The following PIP4P2 variants were observed in gnomAD, a reference collection of about 807,000 sequenced individuals.
PIP4P2 encodes type 2 phosphatidylinositol 4,5-bisphosphate 4-phosphatase.
In PIP4P2, 19 loss-of-function variants were observed where a neutral mutation model predicts 33.3. That is an observed-to-expected ratio of 0.57 (90% confidence interval 0.40 to 0.84). The LOEUF (loss-of-function observed/expected upper bound fraction) is 0.84. PIP4P2 is among the 40% of genes least tolerant of loss of function. The pLI is 0.00. For missense variants in PIP4P2, 270 were observed against 324.7 expected (o/e 0.83, Z 1.29); for synonymous variants, 110 against 111.9 (o/e 0.98, Z 0.11).
At chr8:90,997,833 A>T (rs920242080) in intron 5 of PIP4P2, among the ~76,000 whole-genome samples, 2 of 152,122 alleles carry the variant, frequency 1.3e-5, no homozygotes, top group Non-Finnish European at 2.9e-5. Flanking sequence ...GGCATGATTT[A>T]GAAACATGTG....
rs79619005 is a variant in PIP4P2 at position 91,030,544 on chromosome 8, A to G, written c.107-9140T>C. Among the ~76,000 whole-genome samples the G allele has an allele frequency of 6.5e-3, 994 of 152,324 alleles. 8 individuals are homozygous for G. Among genetic ancestry groups the G allele is most frequent in the African/African-American group, 0.022 (933 of 41,570 alleles). ...AAGTTTAATGTATTTATTACATATT[A>G]AATTTTTATTAGTAATATATTGGCA... On this transcript the variant is annotated intron_variant, in intron 1 of 6. Transcript: ENST00000285419.
In PIP4P2 at chr8:90,995,295, A is replaced by T. The variant is rs1443901440; in HGVS notation, c.*382T>A. ...TTTGATACTGTTTAATTAAAATGTA[A>T]ATATAAATGTGAAACTATTATAGAA... On this transcript the variant is annotated 3_prime_UTR_variant, in exon 7 of 7. Transcript: ENST00000285419. 6.5e-6 allele frequency: 1 copy of T among 153,136 alleles called. No homozygotes were observed. The highest frequency in any genetic ancestry group is 1.5e-5 in the Non-Finnish European group (1 of 68,428). 9.5% of individuals were successfully genotyped at this position (153,136 alleles called of 1,614,324 possible). A position where few individuals can be genotyped will look rare whatever the true frequency, so the allele number is the denominator to read the frequency against.
chr8:91,012,174 A>AATTAATTAATTAATT (rs1563563993), intron 4 of PIP4P2, among the ~76,000 whole-genome samples: 1 of 151,958 alleles, frequency 6.6e-6, no homozygotes, highest in Non-Finnish European at 1.5e-5. Flanking sequence ...CAACTGTATT[A>AATTAATTAATTAATT]GACTAAATAT....
At chr8:91,019,049 T>C (rs1254131702) in intron 3 of PIP4P2, among the ~76,000 whole-genome samples, 2 of 151,990 alleles carry the variant, frequency 1.3e-5, no homozygotes, top group African/African-American at 2.4e-5. Flanking sequence ...ATTCATGTAA[T>C]GGTCAAAAAG....
At chr8:91,024,172 A>G in intron 1 of PIP4P2, 1 of 235,826 alleles carries the variant, frequency 4.2e-6, no homozygotes, top group Non-Finnish European at 8.8e-6. Context: ...TAATTGCCAC[A>G]ATAAACAGTG....
Position 91,005,295 on chromosome 8 carries a change from C to T in PIP4P2, c.539+3448G>A, listed in dbSNP as rs1196695648. Among the ~76,000 whole-genome samples, 4 of 152,114 alleles carry T rather than the reference C, an allele frequency of 2.6e-5. No individual in the cohort carries two copies. In the South Asian group the frequency reaches 6.2e-4, roughly 24 times the overall value. ...ACATTCAGTCCTATCCATTCCATTTCCTTACTAGTACATCTATACTCTGAC... is the reference window on the plus strand; with the variant it reads ...ACATTCAGTCCTATCCATTCCATTTTCTTACTAGTACATCTATACTCTGAC... On this transcript the variant is annotated intron_variant, in intron 5 of 6. Transcript: ENST00000285419.
At chr8:91,023,963 A>C (rs909766666) in intron 1 of PIP4P2, among the ~76,000 whole-genome samples, 1 of 152,056 alleles carries the variant, frequency 6.6e-6, no homozygotes, top group Non-Finnish European at 1.5e-5. Context: ...TAATACATTA[A>C]CCCTACTCTC....
At chr8:91,019,584 G>A (rs937250228) in intron 3 of PIP4P2, among the ~76,000 whole-genome samples, 5 of 151,008 alleles carry the variant, frequency 3.3e-5, no homozygotes, top group Non-Finnish European at 7.4e-5. Context: ...AAAAAAGAGA[G>A]AGACTAACAG....
intron 1 of PIP4P2, among the ~76,000 whole-genome samples, chr8:91,030,626 C>G (rs560274279): frequency 6.6e-6 from 1 of 151,980 alleles, no homozygotes; most frequent in Non-Finnish European, 1.5e-5. Context: ...TTACTCCAAC[C>G]CTTATGCCCA....
chr8:91,018,457 T>C lies in PIP4P2; in HGVS notation c.419A>G (p.Gln140Arg). 6.2e-7 allele frequency: 1 copy of C among 1,614,034 alleles called. No individual in the cohort carries two copies. Among genetic ancestry groups the C allele is most frequent in the Non-Finnish European group, 8.5e-7 (1 of 1,179,926 alleles). ...TTCTGGTTGGATTGGCAATGCAGGC[T>C]GAGCTGGTTGTTCTTCAGAAATAAG... Reference protein sequence around the residue: ...VMLISEEQPAQPALPIQPEGT... With the variant: ...VMLISEEQPARPALPIQPEGT... The change falls in exon 4 of 7, where the codon CAG (glutamine) becomes CGG (arginine). Residue 140 changes from glutamine (Q) to arginine (R), a missense_variant. Coordinates refer to ENST00000285419, the MANE Select transcript of PIP4P2 (RefSeq NM_018710.3).
intron 1 of PIP4P2, among the ~76,000 whole-genome samples, chr8:91,028,168 G>C (rs1812108373): frequency 6.6e-6 from 1 of 152,178 alleles, no homozygotes; most frequent in South Asian, 2.1e-4. Context: ...AATTAGCCTA[G>C]GATTGAAATG....
At chr8:91,023,411 A>G (rs1812039593) in intron 1 of PIP4P2, among the ~76,000 whole-genome samples, 1 of 152,052 alleles carries the variant, frequency 6.6e-6, no homozygotes. Context: ...TACACTACAT[A>G]AAAGGACACC....
At chr8:91,038,308 C>CACT (rs1357066192) in intron 1 of PIP4P2, among the ~76,000 whole-genome samples, 1 of 152,136 alleles carries the variant, frequency 6.6e-6, no homozygotes, top group African/African-American at 2.4e-5. Flanking sequence ...AGAAAATATT[C>CACT]ACTAGTTATA....
intron 1 of PIP4P2, among the ~76,000 whole-genome samples, chr8:91,024,719 GA>G (rs879417062): frequency 2.0e-5 from 3 of 152,034 alleles, no homozygotes; most frequent in African/African-American, 7.2e-5. Context: ...CCTCATTTTG[GA>G]AAAGTCTTAC....
chr8:91,038,202 C>T (rs561174513), intron 1 of PIP4P2, among the ~76,000 whole-genome samples: 33 of 152,272 alleles, frequency 2.2e-4, no homozygotes, highest in African/African-American at 7.7e-4. Flanking sequence ...AACACTCCAC[C>T]GACTTTCAAC....
At chr8:91,015,198 T>C (rs1002477084) in intron 4 of PIP4P2, among the ~76,000 whole-genome samples, 1 of 152,194 alleles carries the variant, frequency 6.6e-6, no homozygotes. Flanking sequence ...CTCTCGGGCA[T>C]ATCTCCTACA....
chr8:90,998,712 T>C (rs922959972), intron 5 of PIP4P2, among the ~76,000 whole-genome samples: 2 of 152,090 alleles, frequency 1.3e-5, no homozygotes, highest in Admixed American at 6.6e-5. Flanking sequence ...GCTAGCCATA[T>C]GCAGAACATT....
chr8:91,002,893 T>G (rs1238746428), intron 5 of PIP4P2, among the ~76,000 whole-genome samples: 2 of 152,056 alleles, frequency 1.3e-5, no homozygotes, highest in Non-Finnish European at 2.9e-5. Flanking sequence ...TGCAATTTGT[T>G]GGGGCTAGGA....
At chr8:91,021,895 C>A (rs1812013312) in intron 1 of PIP4P2, among the ~76,000 whole-genome samples, 1 of 151,844 alleles carries the variant, frequency 6.6e-6, no homozygotes, top group South Asian at 2.1e-4. Flanking sequence ...CTGGCTATGA[C>A]AAGAATAAAA....
Sources: allele counts gnomAD v4.1 joint callset (sites outside exome capture counted in the v4.1 genomes callset), GRCh38; gene constraint gnomAD v4.1.1; transcripts MANE v1.5; gene names NCBI Gene and HGNC (gene_info 2026-07-23, HGNC 2026-07-21).